RBMS2: variants seen among roughly 807,000 people sequenced by gnomAD.
RBMS2 encodes RNA binding motif single stranded interacting protein 2.
RBMS2 carries 38 observed loss-of-function variants against 58.4 expected under a neutral mutation model. The observed-to-expected ratio is 0.65, with a 90% CI of 0.50 to 0.85. The LOEUF (loss-of-function observed/expected upper bound fraction) is 0.85. RBMS2 is among the 40% of genes least tolerant of loss of function. The probability of loss-of-function intolerance (pLI) is 0.00; values close to 1 mark genes in which losing one functional copy is unlikely to be tolerated. For synonymous variants in RBMS2, 151 were observed against 180.7 expected, an observed-to-expected ratio of 0.84 and a Z score of 1.32; for missense variants, 367 against 503.7, an observed-to-expected ratio of 0.73 and a Z score of 2.60.
intron 6 of RBMS2, 53 bp downstream of exon 6, chr12:56,581,316 A>G (rs1019960394): frequency 1.2e-4 from 191 of 1,585,426 alleles, no homozygotes; most frequent in Non-Finnish European, 1.6e-4. Flanking sequence ...ACTTCCAGTG[A>G]AGATTCTGGA....
rs367701654 is a variant in RBMS2, at chr12:56,581,181, T to C, written c.543-3T>C. 6 of 1,590,166 alleles carry C rather than the reference T, an allele frequency of 3.8e-6. No individual in the cohort carries two copies. In the African/African-American group the frequency reaches 8.1e-5, roughly 21 times the overall value. On this transcript the variant is annotated splice_region_variant and splice_polypyrimidine_tract_variant and intron_variant, in intron 5 of 13. Transcript: ENST00000262031. ...AGAGCCTAACCCCTCTTATGCTCCT[T>C]AGGATGGAGTCCACAGAGAAGTGTG...
intron 1 of RBMS2, among the ~76,000 whole-genome samples, chr12:56,541,768 C>G (rs1325833010): frequency 6.6e-6 from 1 of 152,158 alleles, no homozygotes; most frequent in Non-Finnish European, 1.5e-5. Context: ...AGTAGCAAAG[C>G]TGAGTGTATA....
chr12:56,527,784 A>G (rs1565725076), intron 1 of RBMS2: 2 of 117,426 alleles, frequency 1.7e-5, no homozygotes, highest in Non-Finnish European at 3.2e-5. Context: ...ATACTGTTAC[A>G]TTTGCTCTAC....
chr12:56,553,318 A>G (rs1250210218), intron 1 of RBMS2, among the ~76,000 whole-genome samples: 2 of 151,478 alleles, frequency 1.3e-5, no homozygotes, highest in Non-Finnish European at 2.9e-5. Flanking sequence ...TGCCTGGCTA[A>G]TTTTTGTATT....
chr12:56,594,806 T>C lies in RBMS2; in HGVS notation c.*5673T>C, dbSNP rs1381401605. ...TCTCCAAGCAGATCCCCAAACTTCC[T>C]TGTCCTTGTTACACGTCTACCTCAC... On this transcript the variant is annotated 3_prime_UTR_variant, in exon 14 of 14. Transcript: ENST00000262031. The C allele has an allele frequency of 1.3e-5, 2 of 152,260 alleles. No homozygotes were observed. The highest frequency in any genetic ancestry group is 4.8e-5 in the African/African-American group (2 of 41,448). 9.4% of individuals were successfully genotyped at this position (152,260 alleles called of 1,614,324 possible). A position where few individuals can be genotyped will look rare whatever the true frequency, so the allele number is the denominator to read the frequency against.
At position 56,590,053 on chromosome 12, in the gene RBMS2, T is replaced by A. The variant is rs1160388242; in HGVS notation, c.*920T>A. On this transcript the variant is annotated 3_prime_UTR_variant, in exon 14 of 14. Transcript: ENST00000262031. ...AACACACCCTTGAGCCAAACTTGGT[T>A]GAAGACTAGGTCTTCCCTGGCAAGT... is the stretch of plus-strand genomic sequence containing the variant. The A allele has an allele frequency of 6.6e-6, 1 of 152,278 alleles. No homozygotes were observed. The highest frequency in any genetic ancestry group is 1.5e-5 in the Non-Finnish European group (1 of 68,062). The allele number at this position is 152,278 out of a possible 1,614,324, so 9.4% of individuals were successfully genotyped here.
chr12:56,557,635 T>G (rs996645685), intron 1 of RBMS2, among the ~76,000 whole-genome samples: 24 of 152,286 alleles, frequency 1.6e-4, no homozygotes, highest in African/African-American at 4.3e-4. Context: ...TGTAGTAAGT[T>G]TATTATTGAC....
intron 1 of RBMS2, among the ~76,000 whole-genome samples, chr12:56,545,207 C>T (rs1029070652): frequency 2.0e-5 from 3 of 152,128 alleles, no homozygotes; most frequent in Non-Finnish European, 4.4e-5. Context: ...GAATAATGGC[C>T]TACAGCTCCA....
chr12:56,520,973 C>G (rs1402707652), upstream of RBMS2, among the ~76,000 whole-genome samples: 1 of 152,200 alleles, frequency 6.6e-6, no homozygotes, highest in Non-Finnish European at 1.5e-5. Flanking sequence ...TAAGTATGAA[C>G]TCATTCCTCG....
intron 8 of RBMS2, 42 bp downstream of exon 8, chr12:56,581,921 C>T (rs368760758): frequency 6.2e-7 from 1 of 1,600,870 alleles, no homozygotes; most frequent in Non-Finnish European, 8.6e-7. Flanking sequence ...ATGATAATGG[C>T]CTGTGTCCAG....
At chr12:56,531,591 G>A (rs1873728933) in intron 1 of RBMS2, among the ~76,000 whole-genome samples, 1 of 152,042 alleles carries the variant, frequency 6.6e-6, no homozygotes, top group South Asian at 2.1e-4. Flanking sequence ...CACTTTGGGA[G>A]GCTGAGGCGG....
chr12:56,541,344 ATTTACT>A (rs973303106), intron 1 of RBMS2, among the ~76,000 whole-genome samples: 42 of 152,282 alleles, frequency 2.8e-4, no homozygotes, highest in African/African-American at 9.6e-4. Context: ...AATGAAATTG[ATTTACT>A]TTAACTCAAA....
rs1402377450 is a variant in RBMS2 at position 56,578,139 on chromosome 12, A to T, written c.543-3045A>T. 3.4e-4 allele frequency among the ~76,000 whole-genome samples: 48 copies of T among 142,286 alleles called. 1 individual carries two copies. The highest frequency in any genetic ancestry group is 6.5e-4 in the Non-Finnish European group (42 of 64,516). The allele number at this position is 142,286 out of a possible 152,430, so 93.3% of individuals were successfully genotyped here. A position where few individuals can be genotyped will look rare whatever the true frequency, so the allele number is the denominator to read the frequency against. On this transcript the variant is annotated intron_variant, in intron 5 of 13. Transcript: ENST00000262031. ...GTTCCTGGCCCAAATTTTTTTTTTT[A>T]TTTTTTTGAGATGGCGTCTCGCTCT... is the stretch of plus-strand genomic sequence containing the variant.
upstream of RBMS2, chr12:56,521,787 C>T: frequency 1.9e-6 from 1 of 514,512 alleles, no homozygotes; most frequent in Non-Finnish European, 3.4e-6. Flanking sequence ...CTCATTCAGA[C>T]TCTGTTAACT....
rs769437186 is a variant in RBMS2 at position 56,571,776 on chromosome 12, C to T, written c.463C>T (p.Leu155=). The stretch of plus-strand genomic sequence containing the variant: ...GGATGAGCAGGAACTGGAGGGGATG[C>T]TGAAGCCCTTTGGCCAGGTTATCTC... ...SMDEQELEGM[L]KPFGQVISTR... Residue 155 remains leucine, a synonymous_variant, in exon 5 of 14, where the codon CTG becomes TTG. Coordinates refer to ENST00000262031, the MANE Select transcript of RBMS2 (RefSeq NM_002898.4). 1.2e-6 allele frequency: 2 copies of T among 1,603,732 alleles called. No homozygotes were observed. Among genetic ancestry groups the T allele is most frequent in the Admixed American group, 1.7e-5 (1 of 58,742 alleles).
chr12:56,526,844 A>T (rs1457132699), intron 1 of RBMS2, among the ~76,000 whole-genome samples: 1 of 152,092 alleles, frequency 6.6e-6, no homozygotes, highest in Non-Finnish European at 1.5e-5. Context: ...CTTTCTTGAC[A>T]TCATCTCTCT....
intron 12 of RBMS2, 31 bp from the exon 13 acceptor site, chr12:56,588,901 A>G: frequency 6.2e-7 from 1 of 1,611,366 alleles, no homozygotes; most frequent in East Asian, 2.2e-5. Flanking sequence ...AGGAATGCGC[A>G]AGATGACCCC....
chr12:56,569,879 T>C lies in RBMS2; in HGVS notation c.293-20T>C, dbSNP rs1295422937. 2 of 1,591,110 alleles carry C rather than the reference T, an allele frequency of 1.3e-6. No homozygotes were observed. The highest frequency in any genetic ancestry group is 3.3e-5 in the Admixed American group (2 of 59,880). On this transcript the variant is annotated intron_variant, in intron 3 of 13. Coordinates refer to ENST00000262031, the MANE Select transcript of RBMS2 (RefSeq NM_002898.4). ...CCTTACACCTCCCACTTCCTAGTGA[T>C]GCTGTTTCCTCTGTTCCAGGCTATG...
chr12:56,549,850 A>C (rs972102048), intron 1 of RBMS2, among the ~76,000 whole-genome samples: 1 of 151,980 alleles, frequency 6.6e-6, no homozygotes, highest in Non-Finnish European at 1.5e-5. Context: ...CAACATGGAG[A>C]AACCCCGTCT....
Sources: gnomAD v4.1 joint callset for allele counts (sites outside exome capture counted in the v4.1 genomes callset) on GRCh38, gnomAD v4.1.1 for gene constraint, MANE v1.5 for transcripts, NCBI Gene and HGNC (gene_info 2026-07-23, HGNC 2026-07-21) for gene names.